KLRD1: variants seen among roughly 807,000 people sequenced by gnomAD.
The protein encoded by KLRD1 is natural killer cells antigen CD94.
KLRD1 carries 21 observed loss-of-function variants against 22.6 expected under a neutral mutation model. The ratio of observed to expected loss-of-function variants is 0.93; its 90% CI spans 0.66 to 1.34. The LOEUF (loss-of-function observed/expected upper bound fraction) is 1.34. KLRD1 is among the 40% of genes most tolerant of loss of function. The probability of loss-of-function intolerance (pLI) is 0.00; values close to 1 mark genes in which losing one functional copy is unlikely to be tolerated. For missense variants in KLRD1, 183 were observed against 208.6 expected (o/e 0.88, Z 0.76); for synonymous variants, 59 against 71.1 (o/e 0.83, Z 0.85).
rs191760566 is a variant in KLRD1, at chr12:10,254,491, G to C, written c.-101+28258G>C. Among the ~76,000 whole-genome samples, 560 of 148,822 alleles carry C rather than the reference G, an allele frequency of 3.8e-3. 6 individuals carry two copies. The highest frequency in any genetic ancestry group is 0.012 in the African/African-American group (508 of 40,652). ...TAAACAGACAATGTACAGACTGGGA[G>C]AAAATATTTGCAAACTATGCACCTG... On this transcript the variant is annotated intron_variant, in intron 1 of 5. Coordinates refer to the KLRD1 transcript ENST00000544747.
In KLRD1 at chr12:10,259,316, C is replaced by G. The variant is rs150851631; in HGVS notation, c.-101+33083C>G. ...CCATTTTTAAGATGCATTCCTCCATCATCATCATAGTTATGTAGAATATTT... is the reference window on the plus strand; with the variant it reads ...CCATTTTTAAGATGCATTCCTCCATGATCATCATAGTTATGTAGAATATTT... On this transcript the variant is annotated intron_variant, in intron 1 of 5. Transcript: ENST00000544747. Among the ~76,000 whole-genome samples the G allele has an allele frequency of 1.7e-4, 26 of 152,288 alleles. No homozygotes were observed. The East Asian group carries it at 5.0e-3, about 29-fold the overall frequency.
chr12:10,290,462 G>C (rs984081881), intron 1 of KLRD1, among the ~76,000 whole-genome samples: 13 of 152,144 alleles, frequency 8.5e-5, no homozygotes, highest in Admixed American at 2.0e-4. Context: ...GAGGTAGAAA[G>C]AATTTAAAAT....
At chr12:10,239,457 C>T (rs1247840981) in intron 1 of KLRD1, among the ~76,000 whole-genome samples, 53,157 of 112,274 alleles carry the variant, frequency 0.47, 13,247 homozygotes, top group Middle Eastern at 0.57. Context: ...TTCCTTCCTT[C>T]CTTCCTTCCT....
At chr12:10,249,913 A>T (rs1239861261) in intron 1 of KLRD1, among the ~76,000 whole-genome samples, 1 of 152,118 alleles carries the variant, frequency 6.6e-6, no homozygotes, top group Non-Finnish European at 1.5e-5. Context: ...TTGTGGTTTC[A>T]TCAGAGTTCG....
At chr12:10,290,510 T>C (rs1227011958) in intron 1 of KLRD1, among the ~76,000 whole-genome samples, 2 of 152,192 alleles carry the variant, frequency 1.3e-5, no homozygotes, top group Non-Finnish European at 2.9e-5. Flanking sequence ...TGATCTTATT[T>C]ATATTAAAGA....
At chr12:10,288,242 C>CAAA (rs71300167) in intron 1 of KLRD1, among the ~76,000 whole-genome samples, 5 of 94,918 alleles carry the variant, frequency 5.3e-5, no homozygotes, top group East Asian at 5.7e-4. Flanking sequence ...GACTCCGTCT[C>CAAA]AAAAAAAAAA....
Position 10,324,199 on chromosome 12 carries a change from G to C in KLRD1, c.*9406G>C, listed in dbSNP as rs544784344. The C allele has an allele frequency of 1.3e-5, 2 of 152,212 alleles. No homozygotes were observed. The highest frequency in any genetic ancestry group is 4.8e-5 in the African/African-American group (2 of 41,524). 9.4% of individuals were successfully genotyped at this position (152,212 alleles called of 1,614,324 possible). A position where few individuals can be genotyped will look rare whatever the true frequency, so the allele number is the denominator to read the frequency against. ...CTTCTGAGAGTCTTCTGATCCTTGA[G>C]TAAAGTATGTTTCTTGTACCTCAAT... On this transcript the variant is annotated 3_prime_UTR_variant, in exon 6 of 6. Coordinates refer to ENST00000336164, the MANE Select transcript of KLRD1 (RefSeq NM_002262.5).
intron 1 of KLRD1, among the ~76,000 whole-genome samples, chr12:10,293,493 G>A (rs765924314): frequency 3.3e-5 from 5 of 151,918 alleles, no homozygotes; most frequent in Admixed American, 6.6e-5. Context: ...CAGTGAAGCC[G>A]TCATAACACT....
intron 1 of KLRD1, among the ~76,000 whole-genome samples, chr12:10,296,511 G>A (rs113495601): frequency 0.047 from 7,125 of 151,796 alleles, 278 homozygotes; most frequent in East Asian, 0.15. Flanking sequence ...GCGAGACTCC[G>A]TCTCAAAAAT....
intron 1 of KLRD1, among the ~76,000 whole-genome samples, chr12:10,266,840 T>A (rs771787378): frequency 6.7e-6 from 1 of 148,662 alleles, no homozygotes; most frequent in Non-Finnish European, 1.5e-5. Context: ...AAAAGTGTCA[T>A]GTGAAATCAC....
intron 1 of KLRD1, among the ~76,000 whole-genome samples, chr12:10,285,390 T>C (rs1949691881): frequency 6.6e-6 from 1 of 152,198 alleles, no homozygotes. Flanking sequence ...AGTTTTCTTT[T>C]CCTCTCATGT....
intron 3 of KLRD1, among the ~76,000 whole-genome samples, chr12:10,310,693 G>A (rs1289662295): frequency 2.0e-5 from 3 of 152,186 alleles, no homozygotes; most frequent in Non-Finnish European, 4.4e-5. Flanking sequence ...GCTGAGGCAT[G>A]AGAATCACTT....
chr12:10,313,844 T>C (rs1025567178), intron 5 of KLRD1, among the ~76,000 whole-genome samples: 1 of 152,194 alleles, frequency 6.6e-6, no homozygotes, highest in Non-Finnish European at 1.5e-5. Flanking sequence ...TGTAGTCACA[T>C]GGACAACAAA....
chr12:10,276,142 A>G (rs186945552), intron 1 of KLRD1, among the ~76,000 whole-genome samples: 116 of 152,160 alleles, frequency 7.6e-4, no homozygotes, highest in African/African-American at 2.7e-3. Flanking sequence ...TGTATGATAT[A>G]CTCTCAATCA....
chr12:10,247,076 A>G (rs1949299880), intron 1 of KLRD1, among the ~76,000 whole-genome samples: 1 of 151,412 alleles, frequency 6.6e-6, no homozygotes, highest in Non-Finnish European at 1.5e-5. Context: ...TGGATTACAG[A>G]TGTGCACTGC....
At position 10,289,266 on chromosome 12, in the gene KLRD1, A is replaced by G. The variant is rs367582727; in HGVS notation, c.-100-18712A>G. Among the ~76,000 whole-genome samples, 16 of 152,354 alleles carry G rather than the reference A, an allele frequency of 1.1e-4. No individual in the cohort carries two copies. The East Asian group carries it at 3.1e-3, about 29-fold the overall frequency. ...AGCCACATAGGAGTTGACAAGCTGCAGCTGCAGCTGAGCTCTTTGCAGCTC... is the reference window on the plus strand; with the variant it reads ...AGCCACATAGGAGTTGACAAGCTGCGGCTGCAGCTGAGCTCTTTGCAGCTC... On this transcript the variant is annotated intron_variant, in intron 1 of 5. Coordinates refer to the KLRD1 transcript ENST00000544747.
chr12:10,262,538 A>G (rs1002233989), intron 1 of KLRD1, among the ~76,000 whole-genome samples: 5 of 152,198 alleles, frequency 3.3e-5, no homozygotes, highest in South Asian at 2.1e-4. Context: ...TACCTAATAC[A>G]TATTTACATA....
chr12:10,239,016 C>G (rs904185940), intron 1 of KLRD1, among the ~76,000 whole-genome samples: 2 of 151,204 alleles, frequency 1.3e-5, no homozygotes. Flanking sequence ...TTAAGATGTT[C>G]GAAAAGCTCA....
chr12:10,273,903 A>G (rs1949570020), intron 1 of KLRD1, among the ~76,000 whole-genome samples: 1 of 152,164 alleles, frequency 6.6e-6, no homozygotes, highest in Admixed American at 6.5e-5. Flanking sequence ...TAAATTATAA[A>G]AAATCAGACA....
Sources: allele counts gnomAD v4.1 joint callset (sites outside exome capture counted in the v4.1 genomes callset), GRCh38; gene constraint gnomAD v4.1.1; transcripts MANE v1.5; gene names NCBI Gene and HGNC (gene_info 2026-07-23, HGNC 2026-07-21).